Variants in CFH observed in about 807,000 individuals in gnomAD.
The protein encoded by CFH is H factor 1 (complement).
In CFH, 53 loss-of-function variants were observed where a neutral mutation model predicts 147.3. The ratio of observed to expected loss-of-function variants is 0.36; its 90% CI spans 0.29 to 0.45. The LOEUF (loss-of-function observed/expected upper bound fraction) is 0.45. CFH is among the 20% of genes least tolerant of loss of function. CFH has a pLI of 1.00. For missense variants in CFH, 1,380 were observed against 1,498.0 expected (o/e 0.92, Z 1.30); for synonymous variants, 536 against 489.4 (o/e 1.10, Z -1.26).
intron 10 of CFH, among the ~76,000 whole-genome samples, 192 bp from the exon 11 acceptor site, chr1:196,715,401 G>T (rs1387108520): frequency 6.6e-6 from 1 of 151,986 alleles, no homozygotes; most frequent in East Asian, 1.9e-4. Flanking sequence ...AAAATGTTGT[G>T]TAGAAAGATA....
At chr1:196,701,606 G>T (rs1211224472) in intron 9 of CFH, 4 of 460,784 alleles carry the variant, frequency 8.7e-6, no homozygotes, top group African/African-American at 7.9e-5. Context: ...CTGTGCAGCA[G>T]GCATACAAAT....
At position 196,690,218 on chromosome 1, in the gene CFH, A is replaced by G. The variant is rs1667977901; in HGVS notation, c.1315A>G (p.Thr439Ala). The change falls in exon 9 of 22, where the codon ACT becomes GCT. Residue 439 changes from threonine to alanine, a missense_variant. Transcript: ENST00000367429. Reference sequence around the variant, plus strand: ...ATGTATGGAGAATGGCTGGTCTCCTACTCCCAGATGCATCCGTGTCAGTAA... The same window carrying G: ...ATGTATGGAGAATGGCTGGTCTCCTGCTCCCAGATGCATCCGTGTCAGTAA... Reference protein sequence around the residue: ...VTCMENGWSPTPRCIRVKTCS... With the variant: ...VTCMENGWSPAPRCIRVKTCS... 6 of 1,613,054 alleles carry G rather than the reference A, an allele frequency of 3.7e-6. No homozygotes were observed. The Admixed American group carries it at 8.4e-5, about 22-fold the overall frequency.
chr1:196,699,519 G>A (rs1159059376), intron 9 of CFH, among the ~76,000 whole-genome samples: 4 of 152,054 alleles, frequency 2.6e-5, no homozygotes, highest in Non-Finnish European at 4.4e-5. Flanking sequence ...CTTTTCATGA[G>A]CAAAAGTATG....
chr1:196,668,482 G>T (rs985788414), intron 1 of CFH, among the ~76,000 whole-genome samples: 1 of 151,964 alleles, frequency 6.6e-6, no homozygotes, highest in Non-Finnish European at 1.5e-5. Flanking sequence ...ATATGGTTTG[G>T]CTCTGTGTCC....
Position 196,679,670 on chromosome 1 carries a change from C to A in CFH, c.667C>A (p.Gln223Lys). Residue 223 changes from glutamine to lysine, a missense_variant, in exon 6 of 22, where the codon CAG becomes AAG. Around this residue, in one of 4 missense-constraint regions of CFH, gnomAD observed 167 missense variants for 228.0 expected, o/e 0.73. Transcript: ENST00000367429. ...PDVINGSPIS[Q>K]KIIYKENERF... Reference sequence around the variant, plus strand: ...TGTTATAAATGGATCTCCTATATCTCAGAAGATTATTTATAAGGAGAATGA... The same window carrying A: ...TGTTATAAATGGATCTCCTATATCTAAGAAGATTATTTATAAGGAGAATGA... 6.2e-7 allele frequency: 1 copy of A among 1,606,874 alleles called. No homozygotes were observed. The highest frequency in any genetic ancestry group is 1.1e-5 in the South Asian group (1 of 90,770).
At chr1:196,701,911 G>T (rs74637479) in intron 9 of CFH, among the ~76,000 whole-genome samples, 1 of 151,976 alleles carries the variant, frequency 6.6e-6, no homozygotes, top group African/African-American at 2.4e-5. Context: ...ACTGGATTTC[G>T]GAGAACAGTG....
intron 9 of CFH, among the ~76,000 whole-genome samples, chr1:196,709,888 A>C (rs1668683726): frequency 6.6e-6 from 1 of 152,130 alleles, no homozygotes; most frequent in African/African-American, 2.4e-5. Flanking sequence ...ACAGGTCTGT[A>C]GTACCAGCTG....
intron 1 of CFH, among the ~76,000 whole-genome samples, chr1:196,666,308 G>A (rs1247511977): frequency 6.6e-6 from 1 of 151,958 alleles, no homozygotes; most frequent in Non-Finnish European, 1.5e-5. Flanking sequence ...CTAGTTTCTT[G>A]AATTAGAAAT....
intron 18 of CFH, chr1:196,741,144 T>A (rs1652796642): frequency 3.6e-6 from 1 of 277,946 alleles, no homozygotes; most frequent in Non-Finnish European, 6.9e-6. Flanking sequence ...TGAAATATTT[T>A]AAAAAATCAT....
chr1:196,746,114 C>T lies in CFH; in HGVS notation c.3493+115C>T, dbSNP rs1652995549. On this transcript the variant is annotated intron_variant, in intron 21 of 21. Transcript: ENST00000367429. ...AACAACCATTCTGCTGAATGCTTGCCTACCAAATATTTCTGTCAGAAAGTA... is the reference window on the plus strand; with the variant it reads ...AACAACCATTCTGCTGAATGCTTGCTTACCAAATATTTCTGTCAGAAAGTA... The T allele has an allele frequency of 5.8e-6, 9 of 1,561,928 alleles. No homozygotes were observed. The Admixed American group carries it at 1.4e-4, about 24-fold the overall frequency.
intron 1 of CFH, among the ~76,000 whole-genome samples, chr1:196,653,923 A>G (rs930942116): frequency 1.3e-5 from 2 of 152,116 alleles, no homozygotes; most frequent in Non-Finnish European, 1.5e-5. Flanking sequence ...ATAAAAGCAC[A>G]TGTAATGCAA....
chr1:196,688,898 A>T (rs921039139), intron 7 of CFH, among the ~76,000 whole-genome samples: 1 of 152,198 alleles, frequency 6.6e-6, no homozygotes, highest in Non-Finnish European at 1.5e-5. Flanking sequence ...GGCGTGAGCC[A>T]CTGCGCCCAG....
Position 196,716,269 on chromosome 1 carries a change from C to T in CFH, c.1696+500C>T, listed in dbSNP as rs559773492. ...TTCAGGGTTAGAAGAAGGATTGGCT[C>T]TGTGGGAAAACAAGTATATGCAGAG... On this transcript the variant is annotated intron_variant, in intron 11 of 21. Coordinates refer to ENST00000367429, the MANE Select transcript of CFH (RefSeq NM_000186.4). 3.7e-4 allele frequency among the ~76,000 whole-genome samples: 57 copies of T among 152,074 alleles called. No individual in the cohort carries two copies. In the South Asian group the frequency reaches 5.6e-3, roughly 15 times the overall value.
intron 3 of CFH, 35 bp downstream of exon 3, chr1:196,673,997 A>G (rs750695562): frequency 7.2e-7 from 1 of 1,389,868 alleles, no homozygotes; most frequent in Non-Finnish European, 1.0e-6. Flanking sequence ...TTTATAATTA[A>G]GATAGTAAAT....
chr1:196,675,331 T>A (rs1184482322), intron 3 of CFH, among the ~76,000 whole-genome samples: 1 of 152,136 alleles, frequency 6.6e-6, no homozygotes, highest in Non-Finnish European at 1.5e-5. Flanking sequence ...ATGAGCAGAT[T>A]TGACTCACTG....
chr1:196,734,281 CAGG>C (rs769110190), intron 15 of CFH, among the ~76,000 whole-genome samples: 3 of 152,010 alleles, frequency 2.0e-5, no homozygotes, highest in Non-Finnish European at 2.9e-5. Context: ...CATTTTCTTT[CAGG>C]AGGAGTTCAT....
intron 1 of CFH, among the ~76,000 whole-genome samples, chr1:196,661,675 T>C (rs928878849): frequency 6.6e-6 from 1 of 152,124 alleles, no homozygotes; most frequent in Non-Finnish European, 1.5e-5. Flanking sequence ...GGTAATTAGG[T>C]TTAAACATAT....
At chr1:196,698,082 C>T (rs1668339109) in intron 9 of CFH, among the ~76,000 whole-genome samples, 1 of 151,764 alleles carries the variant, frequency 6.6e-6, no homozygotes. Context: ...TGCAGCACAC[C>T]ACCATGGCAC....
intron 1 of CFH, among the ~76,000 whole-genome samples, chr1:196,653,029 T>A (rs1666557030): frequency 6.6e-6 from 1 of 151,882 alleles, no homozygotes; most frequent in Admixed American, 6.6e-5. Context: ...TTATTCATAA[T>A]TTCTAAAATC....
Sources: allele counts gnomAD v4.1 joint callset (sites outside exome capture counted in the v4.1 genomes callset), GRCh38; gene constraint gnomAD v4.1.1; regional missense constraint gnomAD v4.1.1; transcripts MANE v1.5; gene names NCBI Gene and HGNC (gene_info 2026-07-23, HGNC 2026-07-21).